The following NLRP2 variants were observed in gnomAD, a reference collection of about 807,000 sequenced individuals.
NLRP2 encodes NLR family pyrin domain containing 2.
NLRP2 carries 107 observed loss-of-function variants against 97.2 expected under a neutral mutation model. The ratio of observed to expected loss-of-function variants is 1.10; its 90% CI spans 0.94 to 1.29. The LOEUF is 1.29. Ranked by LOEUF, NLRP2 falls within the 50% of genes most tolerant of loss-of-function variation. The pLI, the probability that NLRP2 is intolerant of heterozygous loss-of-function variation, is 0.00. For missense variants in NLRP2, 1,495 were observed against 1,330.3 expected (o/e 1.12, Z -1.93); for synonymous variants, 663 against 551.5 (o/e 1.20, Z -2.83).
At chr19:54,981,508 T>TGGGGGGGGGGGGGG in intron 4 of NLRP2, 109 bp from the exon 5 acceptor site, 1 of 438,150 alleles carries the variant, frequency 2.3e-6, no homozygotes, top group Non-Finnish European at 4.6e-6. Flanking sequence ...TCTGATCCCG[T>TGGGGGGGGGGGGGG]GCCCCCCCTC....
At chr19:54,998,281 G>C (rs945067023) in intron 12 of NLRP2, among the ~76,000 whole-genome samples, 4 of 151,938 alleles carry the variant, frequency 2.6e-5, no homozygotes, top group Non-Finnish European at 5.9e-5. Context: ...GCATCCCAAA[G>C]TGCTGGGATT....
In NLRP2 at chr19:54,984,329, G is replaced by GTTTTTTTTTTTTTTTTTTTTTTTTTTT. The variant is rs200366059; in HGVS notation, c.2030+624_2030+625insTTTTTTTTTTTTTTTTTTTTTTTTTTT. Among the ~76,000 whole-genome samples, 7 of 79,668 alleles carry GTTTTTTTTTTTTTTTTTTTTTTTTTTT rather than the reference G, an allele frequency of 8.8e-5. 1 individual carries two copies. The highest frequency in any genetic ancestry group is 2.3e-4 in the African/African-American group (5 of 21,608). 52.3% of individuals were successfully genotyped at this position (79,668 alleles called of 152,430 possible). A position where few individuals can be genotyped will look rare whatever the true frequency, so the allele number is the denominator to read the frequency against. ...AACTTAAGTGGGGGTTTTTTTTTGTGTTTTTTTTTTTTTTTTTTTTTTTGG... is the reference window on the plus strand; with the variant it reads ...AACTTAAGTGGGGGTTTTTTTTTGTGTTTTTTTTTTTTTTTTTTTTTTTTTTTTTTTTTTTTTTTTTTTTTTTTTTGG... On this transcript the variant is annotated intron_variant, in intron 6 of 12. Coordinates refer to ENST00000448584, the MANE Select transcript of NLRP2 (RefSeq NM_017852.5).
At chr19:54,974,367 C>T in intron 2 of NLRP2, 133 bp from the exon 3 acceptor site, 14 of 770,714 alleles carry the variant, frequency 1.8e-5, no homozygotes, top group Non-Finnish European at 3.2e-5. Flanking sequence ...AAGATGCAAG[C>T]ATTTTGAACT....
rs1230245655 is a variant in NLRP2 at position 54,983,281 on chromosome 19, A to G, written c.1583A>G (p.His528Arg). ...EKEEEEDRDG[H>R]TWDIGDVQKL... ...GAGGAGGAAGAGGATAGGGACGGCC[A>G]CACCTGGGACATTGGGGACGTACAG... The change falls in exon 6 of 13, where the codon CAC becomes CGC. Residue 528 changes from histidine (H) to arginine (R), a missense_variant. By Grantham distance (29) the His-to-Arg change is conservative (BLOSUM62 0). Transcript: ENST00000448584. 6.2e-7 allele frequency: 1 copy of G among 1,614,092 alleles called. No individual in the cohort carries two copies. The highest frequency in any genetic ancestry group is 1.1e-5 in the South Asian group (1 of 91,082).
intron 5 of NLRP2, 73 bp from the exon 6 acceptor site, chr19:54,982,089 T>A: frequency 6.3e-7 from 1 of 1,589,134 alleles, no homozygotes; most frequent in South Asian, 1.1e-5. Flanking sequence ...ACACAAGGCA[T>A]TTTGTTATTT....
intron 1 of NLRP2, among the ~76,000 whole-genome samples, chr19:54,967,223 C>G (rs1423030432): frequency 6.6e-6 from 1 of 152,098 alleles, no homozygotes; most frequent in Non-Finnish European, 1.5e-5. Context: ...TGGCTCACGC[C>G]TGTAATCGCA....
At chr19:54,985,245 A>G (rs571136737) in intron 7 of NLRP2, 28 bp downstream of exon 7, 138 of 1,601,640 alleles carry the variant, frequency 8.6e-5, no homozygotes, top group Non-Finnish European at 1.1e-4. Flanking sequence ...CATGAACTCA[A>G]ATCCTTAGGG....
intron 10 of NLRP2, chr19:54,993,741 C>G (rs927114408): frequency 8.3e-6 from 2 of 241,734 alleles, no homozygotes; most frequent in African/African-American, 2.3e-5. Flanking sequence ...CACACACACC[C>G]CCCTGTAATC....
At chr19:54,979,602 C>T (rs1198166094) in intron 4 of NLRP2, among the ~76,000 whole-genome samples, 3 of 152,032 alleles carry the variant, frequency 2.0e-5, no homozygotes, top group Non-Finnish European at 2.9e-5. Flanking sequence ...CCACCCACTT[C>T]GGCCTCCCAA....
chr19:54,995,923 C>A (rs2072784220), intron 11 of NLRP2, among the ~76,000 whole-genome samples: 2 of 151,576 alleles, frequency 1.3e-5, no homozygotes, highest in Admixed American at 1.3e-4. Flanking sequence ...ACCTCTGCTC[C>A]CAGTTACTCA....
intron 3 of NLRP2, among the ~76,000 whole-genome samples, chr19:54,976,441 G>A (rs966413656): frequency 6.6e-6 from 1 of 151,532 alleles, no homozygotes; most frequent in African/African-American, 2.4e-5. Context: ...CCGCCTCCCA[G>A]GTTCAAGTGA....
rs924753809 is a variant in NLRP2 at position 54,983,736 on chromosome 19, C to T, written c.2030+8C>T. 3 of 1,608,116 alleles carry T rather than the reference C, an allele frequency of 1.9e-6. No individual in the cohort carries two copies. The highest frequency in any genetic ancestry group is 2.7e-5 in the African/African-American group (2 of 74,884). ...AGACGCCGAGGTTGAGAGGTGAGAA[C>T]CGTTTCACTCTACCAGTCGTTCCAT... On this transcript the variant is annotated splice_region_variant and intron_variant, in intron 6 of 12. Transcript: ENST00000448584.
chr19:54,974,459 T>C, intron 2 of NLRP2, 41 bp from the exon 3 acceptor site: 1 of 1,517,258 alleles, frequency 6.6e-7, no homozygotes, highest in Non-Finnish European at 9.2e-7. Flanking sequence ...ATCTTGAGCT[T>C]ATGGTAAAAT....
chr19:54,999,162 G>A (rs12983739), intron 12 of NLRP2, among the ~76,000 whole-genome samples: 14 of 148,050 alleles, frequency 9.5e-5, no homozygotes, highest in East Asian at 2.1e-4. Flanking sequence ...CCACCTCCCC[G>A]CCCGGCCAGA....
At position 54,991,017 on chromosome 19, in the gene NLRP2, G is replaced by A; in HGVS notation, c.2708+345G>A. The A allele has an allele frequency of 3.1e-5, 11 of 355,374 alleles. No homozygotes were observed. The South Asian group carries it at 3.8e-4, about 12-fold the overall frequency. 22.0% of individuals were successfully genotyped at this position (355,374 alleles called of 1,614,324 possible). A position where few individuals can be genotyped will look rare whatever the true frequency, so the allele number is the denominator to read the frequency against. ...TCTGCCTGCCTTGGCCTCCCAAAGT[G>A]CTAGAATTACAGGCATGAGCCATGT... On this transcript the variant is annotated intron_variant, in intron 10 of 12. Coordinates refer to ENST00000448584, the MANE Select transcript of NLRP2 (RefSeq NM_017852.5).
intron 3 of NLRP2, chr19:54,976,939 C>G: frequency 2.6e-6 from 1 of 384,398 alleles, no homozygotes; most frequent in South Asian, 1.9e-5. Context: ...CTCAGCCTCG[C>G]AAGTAGCTGG....
chr19:54,971,030 T>C (rs2146342758), intron 2 of NLRP2, among the ~76,000 whole-genome samples: 1 of 126,052 alleles, frequency 7.9e-6, no homozygotes, highest in East Asian at 2.4e-4. Flanking sequence ...GTCCATGTGA[T>C]CTCATTGTTC....
Position 54,981,647 on chromosome 19 carries a change from G to C in NLRP2, c.428G>C (p.Cys143Ser), listed in dbSNP as rs1453603498. 6.3e-7 allele frequency: 1 copy of C among 1,597,992 alleles called. No individual in the cohort carries two copies. The highest frequency in any genetic ancestry group is 1.3e-5 in the African/African-American group (1 of 74,624). The change falls in exon 5 of 13, where the codon TGC becomes TCC. Residue 143 changes from cysteine to serine, a missense_variant. Coordinates refer to ENST00000448584, the MANE Select transcript of NLRP2 (RefSeq NM_017852.5). ...AFTETKGNVICLGKEVFKGKK... is the reference protein window; with the variant it reads ...AFTETKGNVISLGKEVFKGKK... ...ACAGAAACGAAAGGAAATGTCATCTGCCTGGGTAAAGAAGTCTTTAAAGGA... is the reference window on the plus strand; with the variant it reads ...ACAGAAACGAAAGGAAATGTCATCTCCCTGGGTAAAGAAGTCTTTAAAGGA...
intron 11 of NLRP2, among the ~76,000 whole-genome samples, chr19:54,996,152 A>G (rs1050626857): frequency 1.3e-5 from 2 of 151,926 alleles, no homozygotes. Flanking sequence ...GGCTGCAGTG[A>G]GCCAAGATGG....
Sources: allele counts gnomAD v4.1 joint callset (sites outside exome capture counted in the v4.1 genomes callset), GRCh38; gene constraint gnomAD v4.1.1; transcripts MANE v1.5; gene names NCBI Gene and HGNC (gene_info 2026-07-23, HGNC 2026-07-21).